The following MGME1 variants were observed in gnomAD, a reference collection of about 807,000 sequenced individuals.
MGME1 encodes the protein mitochondrial genome maintenance exonuclease 1, also known as chromosome 20 open reading frame 72.
MGME1 carries 22 observed loss-of-function variants against 33.0 expected under a neutral mutation model. That is an observed-to-expected ratio of 0.67 (90% CI 0.48 to 0.95). The LOEUF is 0.95. Among genes scored for constraint, MGME1 ranks in the 40% least tolerant of loss-of-function variants. The pLI, the probability that MGME1 is intolerant of heterozygous loss-of-function variation, is 0.00. For synonymous variants in MGME1, 133 were observed against 144.0 expected (o/e 0.92, Z 0.55); for missense variants, 383 against 397.8 (o/e 0.96, Z 0.32).
intron 3 of MGME1, among the ~76,000 whole-genome samples, chr20:17,981,647 TCG>T (rs1037863041): frequency 2.8e-5 from 3 of 107,328 alleles, no homozygotes; most frequent in African/African-American, 8.4e-5. Context: ...AATCTACTAC[TCG>T]TGTGTGTGTG....
At chr20:17,975,554 CAAAAA>C in intron 2 of MGME1, 125 bp from the exon 3 acceptor site, 3 of 566,688 alleles carry the variant, frequency 5.3e-6, no homozygotes, top group Admixed American at 3.8e-5. Flanking sequence ...AGACTCCATC[CAAAAA>C]AAAAAAAAAG....
In MGME1 at chr20:17,990,251, G is replaced by A. The variant is rs1056062406; in HGVS notation, c.*142G>A. 1 of 765,924 alleles carries A rather than the reference G, an allele frequency of 1.3e-6. No individual in the cohort carries two copies. Among genetic ancestry groups the A allele is most frequent in the African/African-American group, 1.8e-5 (1 of 56,978 alleles). The allele number at this position is 765,924 out of a possible 1,614,324, so 47.4% of individuals were successfully genotyped here. A position where few individuals can be genotyped will look rare whatever the true frequency, so the allele number is the denominator to read the frequency against. On this transcript the variant is annotated 3_prime_UTR_variant, in exon 5 of 5. Transcript: ENST00000377710. Reference sequence around the variant, plus strand: ...AGTAGAAGTATTAATTTGTTGAAATGTGTTGTTACCAAAAAGACTGAAAAG... The same window carrying A: ...AGTAGAAGTATTAATTTGTTGAAATATGTTGTTACCAAAAAGACTGAAAAG...
In MGME1 at chr20:17,969,912, TTTC is replaced by T. The variant is rs766468409; in HGVS notation, c.55_57del (p.Ser19del). 109 of 1,613,856 alleles carry T rather than the reference TTTC, an allele frequency of 6.8e-5. 2 individuals are homozygous for T. The Middle Eastern group carries it at 5.1e-3, about 76-fold the overall frequency. On this transcript the variant is annotated inframe_deletion, in exon 2 of 5. Transcript: ENST00000377710. ...TGCAGGCAGCTCAGGAGTTCAAAGT[TTTC>T]TGTGGAATCAGCTGCCCTTGTGGCT... is the stretch of plus-strand genomic sequence containing the variant.
At chr20:17,972,277 G>A (rs6132015) in intron 2 of MGME1, among the ~76,000 whole-genome samples, 40,148 of 151,958 alleles carry the variant, frequency 0.26, 5,755 homozygotes, top group East Asian at 0.43. Context: ...CTTCTCAAAG[G>A]TGAGAGCATA....
In MGME1 at chr20:17,990,923, A is replaced by G. The variant is rs1373904862; in HGVS notation, c.*814A>G. On this transcript the variant is annotated 3_prime_UTR_variant, in exon 5 of 5. Transcript: ENST00000377710. ...TATTAAAATCCATTTGTTTCTATTC[A>G]ATAGGTAATAAAAATTAGTTGTCCC... 2 of 152,148 alleles carry G rather than the reference A, an allele frequency of 1.3e-5. No homozygotes were observed. The highest frequency in any genetic ancestry group is 4.8e-5 in the African/African-American group (2 of 41,438). The allele number at this position is 152,148 out of a possible 1,614,324, so 9.4% of individuals were successfully genotyped here. A position where few individuals can be genotyped will look rare whatever the true frequency, so the allele number is the denominator to read the frequency against.
chr20:17,972,504 A>G (rs1317285383), intron 2 of MGME1, among the ~76,000 whole-genome samples: 1 of 148,210 alleles, frequency 6.7e-6, no homozygotes. Context: ...CAGTTCCATC[A>G]TGAGAATACT....
chr20:17,970,853 T>G (rs951154108), intron 2 of MGME1, among the ~76,000 whole-genome samples: 1 of 151,908 alleles, frequency 6.6e-6, no homozygotes, highest in African/African-American at 2.4e-5. Flanking sequence ...TTGGTAAACA[T>G]AATCAGAGGT....
intron 3 of MGME1, among the ~76,000 whole-genome samples, chr20:17,985,873 A>G (rs1004012821): frequency 2.6e-5 from 4 of 152,184 alleles, no homozygotes; most frequent in African/African-American, 9.7e-5. Flanking sequence ...CACAATGACA[A>G]AATTGCCTAA....
intron 3 of MGME1, among the ~76,000 whole-genome samples, chr20:17,987,314 C>T (rs545228407): frequency 5.3e-5 from 8 of 152,130 alleles, no homozygotes; most frequent in Middle Eastern, 3.4e-3. Flanking sequence ...CTAAACTGTC[C>T]AGTAGAGTAG....
chr20:17,984,450 G>T (rs2036106226), intron 3 of MGME1, among the ~76,000 whole-genome samples: 1 of 152,050 alleles, frequency 6.6e-6, no homozygotes, highest in African/African-American at 2.4e-5. Flanking sequence ...TACTACTCGT[G>T]TTCGTGGTTA....
intron 3 of MGME1, 108 bp downstream of exon 3, chr20:17,976,011 G>A: frequency 1.1e-6 from 1 of 892,012 alleles, no homozygotes; most frequent in Non-Finnish European, 1.8e-6. Flanking sequence ...CCAGACCTTT[G>A]TGCTAGGTAA....
Position 17,975,721 on chromosome 20 carries a change from G to A in MGME1, c.549G>A (p.Leu183=), listed in dbSNP as rs1390412411. Residue 183 remains leucine, a synonymous_variant, in exon 3 of 5, where the codon TTG becomes TTA. Coordinates refer to ENST00000377710, the MANE Select transcript of MGME1 (RefSeq NM_052865.4). ...FLQGKRFHEA[L]ESILSPQETL... ...AAGGGAAACGGTTCCACGAAGCCTTGGAAAGCATACTTTCACCCCAGGAAA... is the reference window on the plus strand; with the variant it reads ...AAGGGAAACGGTTCCACGAAGCCTTAGAAAGCATACTTTCACCCCAGGAAA... The A allele has an allele frequency of 6.2e-7, 1 of 1,613,828 alleles. No homozygotes were observed. The highest frequency in any genetic ancestry group is 2.2e-5 in the East Asian group (1 of 44,896).
chr20:17,975,554 CAAAAAAAAA>C lies in MGME1; in HGVS notation c.512-124_512-116del, dbSNP rs894514527. The C allele has an allele frequency of 4.2e-5, 24 of 566,710 alleles. No homozygotes were observed. In the East Asian group the frequency reaches 7.3e-4, roughly 17 times the overall value. The allele number at this position is 566,710 out of a possible 1,614,324, so 35.1% of individuals were successfully genotyped here. A position where few individuals can be genotyped will look rare whatever the true frequency, so the allele number is the denominator to read the frequency against. The stretch of plus-strand genomic sequence containing the variant: ...CTGGGCGACAGAGGGAGACTCCATC[CAAAAAAAAA>C]AAAAAGAAAAAAAAATGTCATTTTT... On this transcript the variant is annotated intron_variant, in intron 2 of 4. Transcript: ENST00000377710.
At chr20:17,972,076 G>A (rs1425669162) in intron 2 of MGME1, among the ~76,000 whole-genome samples, 1 of 152,042 alleles carries the variant, frequency 6.6e-6, no homozygotes, top group African/African-American at 2.4e-5. Flanking sequence ...AGTAAGCAGT[G>A]GGTTCTGAAA....
At chr20:17,984,823 G>A (rs2036113945) in intron 3 of MGME1, among the ~76,000 whole-genome samples, 1 of 151,904 alleles carries the variant, frequency 6.6e-6, no homozygotes, top group African/African-American at 2.4e-5. Flanking sequence ...ACCACTTGAG[G>A]TCAGGAGTTC....
intron 1 of MGME1, 124 bp from the exon 2 acceptor site, chr20:17,969,677 G>T (rs1004969114): frequency 5.1e-6 from 3 of 591,564 alleles, no homozygotes; most frequent in Middle Eastern, 4.3e-4. Context: ...TGGAGGCAGG[G>T]TCTCGCTCTG....
At chr20:17,977,682 TTCGTTCTCC>T (rs2035903326) in intron 3 of MGME1, among the ~76,000 whole-genome samples, 1 of 152,218 alleles carries the variant, frequency 6.6e-6, no homozygotes, top group African/African-American at 2.4e-5. Context: ...TAGGAATGCC[TTCGTTCTCC>T]AGATATCAGG....
At chr20:17,973,753 T>C (rs577643581) in intron 2 of MGME1, among the ~76,000 whole-genome samples, 8 of 152,314 alleles carry the variant, frequency 5.3e-5, no homozygotes, top group South Asian at 2.1e-4. Flanking sequence ...GAGTATCTAA[T>C]TGGTGATTTC....
At position 17,990,489 on chromosome 20, in the gene MGME1, A is replaced by T; in HGVS notation, c.*380A>T. ...GGAAGGCAGTGAGGCTGAGGGTGCC[A>T]AGATTTCCCCAGGGTTCACCCAGAG... On this transcript the variant is annotated 3_prime_UTR_variant, in exon 5 of 5. Transcript: ENST00000377710. 3.1e-6 allele frequency: 1 copy of T among 319,966 alleles called. No individual in the cohort carries two copies. Among genetic ancestry groups the T allele is most frequent in the South Asian group, 4.0e-5 (1 of 24,964 alleles). 19.8% of individuals were successfully genotyped at this position (319,966 alleles called of 1,614,324 possible). A position where few individuals can be genotyped will look rare whatever the true frequency, so the allele number is the denominator to read the frequency against.
Sources: allele counts gnomAD v4.1 joint callset (sites outside exome capture counted in the v4.1 genomes callset), GRCh38; gene constraint gnomAD v4.1.1; transcripts MANE v1.5; gene names NCBI Gene and HGNC (gene_info 2026-07-23, HGNC 2026-07-21).